The following LSAMP variants were observed in gnomAD, a reference collection of about 807,000 sequenced individuals.
LSAMP encodes the protein limbic system-associated membrane protein.
Under a neutral mutation model 38.6 loss-of-function variants are expected in LSAMP, and 7 were observed. The observed-to-expected ratio is 0.18, with a 90% CI of 0.10 to 0.34. LSAMP has a LOEUF of 0.34. Ranked by LOEUF, LSAMP falls within the 10% of genes least tolerant of loss-of-function variation. The pLI is 1.00. For synonymous variants in LSAMP, 154 were observed against 166.8 expected, an observed-to-expected ratio of 0.92 and a Z score of 0.59; for missense variants, 313 against 420.0, an observed-to-expected ratio of 0.75 and a Z score of 2.23.
intron 1 of LSAMP, among the ~76,000 whole-genome samples, chr3:116,253,786 G>A (rs1011118815): frequency 6.6e-6 from 1 of 152,136 alleles, no homozygotes; most frequent in African/African-American, 2.4e-5. Context: ...ACAATGGCAG[G>A]AAAACAGAGT....
Position 116,156,226 on chromosome 3 carries a change from A to T in LSAMP, c.156-69670T>A, listed in dbSNP as rs866331499. Among the ~76,000 whole-genome samples, 14 of 152,280 alleles carry T rather than the reference A, an allele frequency of 9.2e-5. 1 individual carries two copies. In the Middle Eastern group the frequency reaches 0.02, roughly 222 times the overall value. ...AAAGAAGGGGAAAAAGACCTCCAGG[A>T]CTGACTTATATTAGAATTGATCAGA... On this transcript the variant is annotated intron_variant, in intron 1 of 6. Transcript: ENST00000490035.
At chr3:115,813,339 C>T (rs1044272722) in intron 6 of LSAMP, among the ~76,000 whole-genome samples, 3 of 152,040 alleles carry the variant, frequency 2.0e-5, no homozygotes, top group Non-Finnish European at 4.4e-5. Context: ...TCTATAGTAA[C>T]ATGCTTACAG....
intron 1 of LSAMP, among the ~76,000 whole-genome samples, chr3:116,115,874 G>T (rs1391200548): frequency 2.6e-5 from 4 of 151,418 alleles, no homozygotes; most frequent in Non-Finnish European, 4.4e-5. Flanking sequence ...ATTTTTCTTG[G>T]TTCTTCTCCT....
At chr3:116,261,729 T>C (rs2046828714) in intron 1 of LSAMP, among the ~76,000 whole-genome samples, 1 of 152,072 alleles carries the variant, frequency 6.6e-6, no homozygotes, top group African/African-American at 2.4e-5. Flanking sequence ...GTGGCTGATC[T>C]TGGAAATCTT....
At chr3:115,897,111 C>T (rs1044105244) in intron 3 of LSAMP, among the ~76,000 whole-genome samples, 3 of 152,092 alleles carry the variant, frequency 2.0e-5, no homozygotes, top group Non-Finnish European at 2.9e-5. Flanking sequence ...GTGACCCTTA[C>T]CAGAGAATCT....
At chr3:115,811,899 T>G (rs942565104) in intron 6 of LSAMP, among the ~76,000 whole-genome samples, 12 of 152,164 alleles carry the variant, frequency 7.9e-5, no homozygotes, top group African/African-American at 2.9e-4. Context: ...ACAGGGAGAT[T>G]GGATGCACTG....
intron 3 of LSAMP, among the ~76,000 whole-genome samples, chr3:115,869,857 A>G (rs1361860748): frequency 1.3e-5 from 2 of 152,078 alleles, no homozygotes; most frequent in Non-Finnish European, 2.9e-5. Flanking sequence ...ATCCTTATAT[A>G]TATGTGTATA....
intron 1 of LSAMP, among the ~76,000 whole-genome samples, chr3:116,248,477 A>ATGTGTGTGTGTGTGTGTGTGTGTGTG: frequency 7.1e-6 from 1 of 141,072 alleles, no homozygotes; most frequent in African/African-American, 2.8e-5. Flanking sequence ...CCTGTCTCTA[A>ATGTGTGTGTGTGTGTGTGTGTGTGTG]TGTGTGTGTG....
chr3:116,227,015 G>GT (rs1201946215), intron 1 of LSAMP, among the ~76,000 whole-genome samples: 28 of 151,332 alleles, frequency 1.9e-4, no homozygotes, highest in East Asian at 1.2e-3. Context: ...AATTGAAGGT[G>GT]TTTTTTTTTC....
intron 1 of LSAMP, among the ~76,000 whole-genome samples, chr3:116,208,835 G>A (rs2046108684): frequency 6.6e-6 from 1 of 152,212 alleles, no homozygotes; most frequent in Admixed American, 6.5e-5. Context: ...AGTTTGCAGA[G>A]TTTACTGCTG....
chr3:116,358,126 A>G (rs1030739817), intron 1 of LSAMP, among the ~76,000 whole-genome samples: 7 of 152,132 alleles, frequency 4.6e-5, no homozygotes, highest in African/African-American at 1.7e-4. Flanking sequence ...CTTAATCTAG[A>G]TAGAGAATGC....
intron 3 of LSAMP, among the ~76,000 whole-genome samples, chr3:115,907,949 T>C (rs1433065369): frequency 6.6e-6 from 1 of 152,090 alleles, no homozygotes; most frequent in African/African-American, 2.4e-5. Flanking sequence ...CCCCATCTCA[T>C]GTCACAGATG....
At chr3:115,830,199 C>G (rs941872314) in intron 6 of LSAMP, among the ~76,000 whole-genome samples, 1 of 152,144 alleles carries the variant, frequency 6.6e-6, no homozygotes, top group Non-Finnish European at 1.5e-5. Context: ...TAGCTCTGCT[C>G]AAGTTTTTAA....
intron 3 of LSAMP, among the ~76,000 whole-genome samples, chr3:116,017,537 C>T (rs1041752732): frequency 1.3e-5 from 2 of 151,836 alleles, no homozygotes; most frequent in Non-Finnish European, 2.9e-5. Flanking sequence ...GGACTTGATC[C>T]CATAAACTTC....
chr3:115,963,092 T>C (rs1938682878), intron 3 of LSAMP, among the ~76,000 whole-genome samples: 1 of 152,212 alleles, frequency 6.6e-6, no homozygotes, highest in Admixed American at 6.5e-5. Context: ...CTTCTTCTGA[T>C]TTTCTGTCCT....
chr3:116,281,228 G>T (rs1219651071), intron 1 of LSAMP, among the ~76,000 whole-genome samples: 1 of 152,148 alleles, frequency 6.6e-6, no homozygotes, highest in Non-Finnish European at 1.5e-5. Context: ...AAAGATGTAT[G>T]GATGCCGAGG....
At chr3:116,012,078 C>A (rs561104851) in intron 3 of LSAMP, among the ~76,000 whole-genome samples, 349 of 152,282 alleles carry the variant, frequency 2.3e-3, no homozygotes, top group Non-Finnish European at 3.9e-3. Flanking sequence ...ATAGATAAGC[C>A]ATATCAACAC....
chr3:116,114,493 C>A (rs1354775968), intron 1 of LSAMP, among the ~76,000 whole-genome samples: 1 of 148,334 alleles, frequency 6.7e-6, no homozygotes. Context: ...GTATGCATTC[C>A]AGAAATGCTT....
chr3:116,304,013 T>C (rs2047448911), intron 1 of LSAMP, among the ~76,000 whole-genome samples: 1 of 152,096 alleles, frequency 6.6e-6, no homozygotes, highest in African/African-American at 2.4e-5. Flanking sequence ...GAAGGGGTAA[T>C]AAATGATTTT....
Sources: allele counts gnomAD v4.1 joint callset (sites outside exome capture counted in the v4.1 genomes callset), GRCh38; gene constraint gnomAD v4.1.1; transcripts MANE v1.5; gene names NCBI Gene and HGNC (gene_info 2026-07-23, HGNC 2026-07-21).